Variants in HDAC1 observed in about 807,000 individuals in gnomAD.
HDAC1 encodes histone deacetylase 1, also known as protein deacetylase HDAC1.
A neutral mutation model predicts 65.5 loss-of-function variants in HDAC1; 18 were observed. That is an observed-to-expected ratio of 0.27 (90% confidence interval 0.19 to 0.41). The LOEUF (loss-of-function observed/expected upper bound fraction) is 0.41. HDAC1 is among the 10% of genes least tolerant of loss of function. The pLI is 1.00. For missense variants in HDAC1, 373 were observed against 625.2 expected (o/e 0.60, Z 4.30); for synonymous variants, 211 against 227.9 (o/e 0.93, Z 0.67).
intron 4 of HDAC1, among the ~76,000 whole-genome samples, chr1:32,326,240 A>G (rs1182972787): frequency 6.6e-6 from 1 of 150,700 alleles, no homozygotes; most frequent in Admixed American, 6.6e-5. Flanking sequence ...GGCTCACTGC[A>G]ACCTCCGCCT....
chr1:32,312,504 C>T (rs533089560), intron 2 of HDAC1, among the ~76,000 whole-genome samples: 4 of 150,622 alleles, frequency 2.7e-5, no homozygotes, highest in African/African-American at 2.5e-5. Flanking sequence ...GGTTTACAGG[C>T]GCCCGCCACC....
At chr1:32,310,425 ACT>A (rs1324433390) in intron 2 of HDAC1, among the ~76,000 whole-genome samples, 1 of 152,120 alleles carries the variant, frequency 6.6e-6, no homozygotes. Flanking sequence ...AAGACTGATA[ACT>A]CTATAACAGG....
intron 4 of HDAC1, among the ~76,000 whole-genome samples, chr1:32,325,888 G>T (rs938085552): frequency 2.0e-5 from 3 of 151,950 alleles, no homozygotes; most frequent in Admixed American, 6.5e-5. Flanking sequence ...TTAGCCGGGC[G>T]TGGTGGTGTG....
Position 32,327,143 on chromosome 1 carries a change from C to G in HDAC1, c.494+66C>G. The G allele has an allele frequency of 1.3e-6, 2 of 1,542,970 alleles. No individual in the cohort carries two copies. The highest frequency in any genetic ancestry group is 1.8e-6 in the Non-Finnish European group (2 of 1,124,382). ...GCCAGGTTCCCATTTCCCTCTTCCC[C>G]TGGGCTTGCCTCCCTAGTTTGCTTT... is the stretch of plus-strand genomic sequence containing the variant. On this transcript the variant is annotated intron_variant, in intron 5 of 13. Coordinates refer to ENST00000373548, the MANE Select transcript of HDAC1 (RefSeq NM_004964.3). The surrounding 1 kb of genome is among the most constrained non-coding windows in gnomAD (Gnocchi z 6.0).
At chr1:32,332,402 A>G (rs1641305782) in intron 12 of HDAC1, among the ~76,000 whole-genome samples, 160 bp downstream of exon 12, 1 of 152,194 alleles carries the variant, frequency 6.6e-6, no homozygotes, top group Admixed American at 6.5e-5. Flanking sequence ...CAGAGCCCAC[A>G]AAACAATGAA....
rs147675987 is a variant in HDAC1, at chr1:32,331,712, C to T, written c.1125C>T (p.His375=). 190 of 1,614,006 alleles carry T rather than the reference C, an allele frequency of 1.2e-4. No individual in the cohort carries two copies. The East Asian group carries it at 2.9e-3, about 25-fold the overall frequency. The part of the protein sequence containing the change: ...RLFENLRMLP[H]APGVQMQAIP... ...TTGAGAACCTTAGAATGCTGCCGCA[C>T]GCACCTGGGGTCCAAATGCAGGCGA... The change falls in exon 11 of 14, where the codon CAC becomes CAT. Residue 375 remains histidine (H), a synonymous_variant. Coordinates refer to ENST00000373548, the MANE Select transcript of HDAC1 (RefSeq NM_004964.3). The surrounding 1 kb of genome is among the most constrained non-coding windows in gnomAD (Gnocchi z 4.2).
chr1:32,328,618 G>A (rs372124726), intron 6 of HDAC1, among the ~76,000 whole-genome samples: 1 of 152,160 alleles, frequency 6.6e-6, no homozygotes, highest in South Asian at 2.1e-4. Flanking sequence ...CTATTTTGAG[G>A]TTACTGGGAA....
At chr1:32,320,112 C>T (rs1249119030) in intron 3 of HDAC1, among the ~76,000 whole-genome samples, 3 of 151,836 alleles carry the variant, frequency 2.0e-5, no homozygotes, top group Middle Eastern at 3.4e-3. Flanking sequence ...CCCAGCTACT[C>T]GGGAGGCTGA....
At chr1:32,317,747 G>C (rs889882893) in intron 3 of HDAC1, among the ~76,000 whole-genome samples, 1 of 152,136 alleles carries the variant, frequency 6.6e-6, no homozygotes, top group African/African-American at 2.4e-5. Flanking sequence ...CTGAATTGCA[G>C]GGTCTTATTT....
rs181625028 is a variant in HDAC1 at position 32,301,522 on chromosome 1, C to G, written c.50-1099C>G. Among the ~76,000 whole-genome samples, 1,003 of 152,246 alleles carry G rather than the reference C, an allele frequency of 6.6e-3. 50 individuals carry two copies. Among genetic ancestry groups the G allele is most frequent in the Admixed American group, 0.062 (940 of 15,274 alleles). ...CGGTGGCTCACACCTGTAATCCCGG[C>G]ACTTTGGGAGGCCGAGGTGAGTGGA... On this transcript the variant is annotated intron_variant, in intron 1 of 13. Coordinates refer to ENST00000373548, the MANE Select transcript of HDAC1 (RefSeq NM_004964.3).
chr1:32,316,669 C>T lies in HDAC1; in HGVS notation c.167C>T (p.Pro56Leu), dbSNP rs1641068760. The change falls in exon 3 of 14, where the codon CCT (proline) becomes CTT (leucine). Residue 56 changes from proline to leucine, a missense_variant. Transcript: ENST00000373548. ...TTTCTCCCTTCTGCCCTCTAGCGCCCTCACAAAGCCAATGCTGAGGAGATG... is the reference window on the plus strand; with the variant it reads ...TTTCTCCCTTCTGCCCTCTAGCGCCTTCACAAAGCCAATGCTGAGGAGATG... ...GLYRKMEIYR[P>L]HKANAEEMTK... 6.2e-7 allele frequency: 1 copy of T among 1,609,038 alleles called. No homozygotes were observed.
intron 1 of HDAC1, among the ~76,000 whole-genome samples, chr1:32,302,070 A>G (rs1570005982): frequency 6.6e-6 from 1 of 152,194 alleles, no homozygotes. Context: ...AGGTAGAGGG[A>G]CCAATTAGAA....
intron 1 of HDAC1, among the ~76,000 whole-genome samples, chr1:32,298,784 G>A (rs2124397438): frequency 6.6e-6 from 1 of 152,082 alleles, no homozygotes; most frequent in Non-Finnish European, 1.5e-5. Flanking sequence ...GATCACTTGA[G>A]GTCAGGAGTT....
rs777501351 is a variant in HDAC1, at chr1:32,316,705, A to G, written c.203A>G (p.His68Arg). ...AATGCTGAGGAGATGACCAAGTACC[A>G]CAGCGATGACTACATTAAATTCTTG... ...KANAEEMTKY[H>R]SDDYIKFLRS... Residue 68 changes from histidine (H) to arginine (R), a missense_variant, in exon 3 of 14, where the codon CAC (histidine) becomes CGC (arginine). By Grantham distance (29) the His-to-Arg change is conservative (BLOSUM62 0). Coordinates refer to ENST00000373548, the MANE Select transcript of HDAC1 (RefSeq NM_004964.3). 8 of 1,613,818 alleles carry G rather than the reference A, an allele frequency of 5.0e-6. No homozygotes were observed. The Admixed American group carries it at 1.3e-4, about 27-fold the overall frequency.
chr1:32,306,174 TTTTTTCTTTTTC>T (rs1213120887), intron 2 of HDAC1, among the ~76,000 whole-genome samples: 1 of 151,802 alleles, frequency 6.6e-6, no homozygotes, highest in Non-Finnish European at 1.5e-5. Context: ...CCTTTCACTT[TTTTTTCTTTTTC>T]TTTTTCTTTT....
intron 3 of HDAC1, among the ~76,000 whole-genome samples, chr1:32,319,248 T>A (rs865813013): frequency 2.0e-5 from 3 of 151,984 alleles, no homozygotes; most frequent in Non-Finnish European, 4.4e-5. Context: ...CTAAAAAAAA[T>A]TTTTCTAATT....
chr1:32,316,628 C>T (rs1457989703), intron 2 of HDAC1, 37 bp from the exon 3 acceptor site: 9 of 1,233,922 alleles, frequency 7.3e-6, no homozygotes, highest in Non-Finnish European at 1.1e-5. Flanking sequence ...TGGCCGTGGT[C>T]AAAAATAACT....
rs1641323315 is a variant in HDAC1, at chr1:32,333,184, C to T, written c.*140C>T. The T allele has an allele frequency of 4.3e-6, 3 of 695,160 alleles. No individual in the cohort carries two copies. The highest frequency in any genetic ancestry group is 4.6e-6 in the Non-Finnish European group (2 of 436,236). 43.1% of individuals were successfully genotyped at this position (695,160 alleles called of 1,614,324 possible). ...ATATCCCCAGGGACAGAAACCAAGG[C>T]CCCGAGCTCAGGGCAGCTGTGCTGG... On this transcript the variant is annotated 3_prime_UTR_variant, in exon 14 of 14. Transcript: ENST00000373548.
chr1:32,303,984 G>A (rs1640881164), intron 2 of HDAC1, among the ~76,000 whole-genome samples: 1 of 152,214 alleles, frequency 6.6e-6, no homozygotes, highest in Non-Finnish European at 1.5e-5. Context: ...TAACCTCTCT[G>A]GAGACAGTGA....
Sources: allele counts gnomAD v4.1 joint callset (sites outside exome capture counted in the v4.1 genomes callset), GRCh38; gene constraint gnomAD v4.1.1; non-coding constraint Gnocchi (gnomAD v3.1); transcripts MANE v1.5; gene names NCBI Gene and HGNC (gene_info 2026-07-23, HGNC 2026-07-21).